Variants in GRIK2 observed in about 807,000 individuals in gnomAD.
The protein encoded by GRIK2 is glutamate ionotropic receptor kainate type subunit 2.
GRIK2 carries 32 observed loss-of-function variants against 100.3 expected under a neutral mutation model. That is an observed-to-expected ratio of 0.32 (90% CI 0.24 to 0.43). The LOEUF is 0.43. GRIK2 is among the 20% of genes least tolerant of loss of function. GRIK2 has a pLI of 1.00. For missense variants in GRIK2, 843 were observed against 1,114.9 expected (o/e 0.76, Z 3.47); for synonymous variants, 417 against 389.4 (o/e 1.07, Z -0.83).
chr6:101,935,043 G>T (rs1395833552), intron 14 of GRIK2, among the ~76,000 whole-genome samples: 2 of 151,974 alleles, frequency 1.3e-5, no homozygotes, highest in Admixed American at 6.6e-5. Flanking sequence ...GTTAAGTGTA[G>T]TTGTCTGTAG....
intron 2 of GRIK2, among the ~76,000 whole-genome samples, chr6:101,413,916 A>C (rs201303169): frequency 2.0e-5 from 3 of 152,010 alleles, no homozygotes; most frequent in African/African-American, 7.2e-5. Context: ...ACCAGTCATA[A>C]AATTTGCCAT....
rs139986676 is a variant in GRIK2, at chr6:101,634,412, G to T, written c.541+7775G>T. Among the ~76,000 whole-genome samples, 574 of 152,184 alleles carry T rather than the reference G, an allele frequency of 3.8e-3. 4 individuals carry two copies. Among genetic ancestry groups the T allele is most frequent in the African/African-American group, 0.013 (541 of 41,532 alleles). ...AGACGGTGTCTGCTTCTTAACATAT[G>T]AAGTTTGAAACATCTATGAAATATT... On this transcript the variant is annotated intron_variant, in intron 4 of 16. Coordinates refer to ENST00000369134, the MANE Select transcript of GRIK2 (RefSeq NM_021956.5).
At chr6:102,003,241 A>G (rs1430737277) in intron 14 of GRIK2, among the ~76,000 whole-genome samples, 1 of 151,596 alleles carries the variant, frequency 6.6e-6, no homozygotes, top group Non-Finnish European at 1.5e-5. Flanking sequence ...ATTCATATAT[A>G]TGTATATTTA....
chr6:101,640,745 TC>T (rs1401292846), intron 4 of GRIK2, among the ~76,000 whole-genome samples: 3 of 152,148 alleles, frequency 2.0e-5, no homozygotes, highest in Non-Finnish European at 4.4e-5. Flanking sequence ...CCTAATAATT[TC>T]TTTTTCTAAT....
chr6:101,781,044 T>C (rs779447735), intron 7 of GRIK2, among the ~76,000 whole-genome samples: 2 of 152,246 alleles, frequency 1.3e-5, no homozygotes, highest in Non-Finnish European at 2.9e-5. Flanking sequence ...TAGAATTATA[T>C]GATTCTATAA....
At chr6:102,053,281 A>G (rs1435847042) in intron 15 of GRIK2, among the ~76,000 whole-genome samples, 1 of 152,162 alleles carries the variant, frequency 6.6e-6, no homozygotes, top group East Asian at 1.9e-4. Context: ...CCATTAAGTA[A>G]GCATTTATTT....
chr6:101,687,537 T>C (rs908517593), intron 7 of GRIK2, among the ~76,000 whole-genome samples: 2 of 152,016 alleles, frequency 1.3e-5, no homozygotes, highest in African/African-American at 4.8e-5. Flanking sequence ...TTTTTGATAC[T>C]GTAGGGATAA....
intron 12 of GRIK2, among the ~76,000 whole-genome samples, chr6:101,898,193 T>C (rs1345195425): frequency 6.6e-6 from 1 of 151,898 alleles, no homozygotes; most frequent in African/African-American, 2.4e-5. Context: ...ATTAGAGATG[T>C]TTTCTTTTTG....
intron 7 of GRIK2, among the ~76,000 whole-genome samples, chr6:101,751,134 C>CAT (rs1776760596): frequency 2.0e-5 from 3 of 151,560 alleles, no homozygotes; most frequent in Admixed American, 6.6e-5. Context: ...GATGGGGGTC[C>CAT]CACTATGTTA....
At chr6:101,408,425 G>A (rs1490741048) in intron 2 of GRIK2, among the ~76,000 whole-genome samples, 1 of 151,782 alleles carries the variant, frequency 6.6e-6, no homozygotes, top group Non-Finnish European at 1.5e-5. Flanking sequence ...TTTATTATAA[G>A]TAATTGGCTT....
intron 7 of GRIK2, among the ~76,000 whole-genome samples, chr6:101,717,394 G>T (rs556747451): frequency 1.3e-5 from 2 of 151,758 alleles, no homozygotes; most frequent in African/African-American, 4.8e-5. Context: ...CGGTGTTAAC[G>T]CTGACAATAT....
At chr6:101,543,041 G>A (rs868852062) in intron 2 of GRIK2, among the ~76,000 whole-genome samples, 18 of 152,090 alleles carry the variant, frequency 1.2e-4, no homozygotes, top group African/African-American at 4.3e-4. Flanking sequence ...TCTTTCCTGT[G>A]TGTGCTTTTG....
intron 5 of GRIK2, among the ~76,000 whole-genome samples, chr6:101,677,414 A>T (rs976565966): frequency 9.9e-5 from 15 of 152,160 alleles, no homozygotes; most frequent in Non-Finnish European, 4.4e-5. Flanking sequence ...ACAAAAACCA[A>T]CCAACCAACC....
chr6:101,997,865 A>G (rs1794731729), intron 14 of GRIK2, among the ~76,000 whole-genome samples: 2 of 152,022 alleles, frequency 1.3e-5, no homozygotes, highest in African/African-American at 4.8e-5. Flanking sequence ...ATGGAAGTTT[A>G]TTATGATATG....
At chr6:101,876,881 C>A (rs1785888009) in intron 11 of GRIK2, among the ~76,000 whole-genome samples, 1 of 151,850 alleles carries the variant, frequency 6.6e-6, no homozygotes, top group African/African-American at 2.4e-5. Context: ...CAGTATGTTA[C>A]TTCTAGGTAT....
At chr6:101,565,861 T>C (rs1283676981) in intron 2 of GRIK2, among the ~76,000 whole-genome samples, 4 of 149,316 alleles carry the variant, frequency 2.7e-5, no homozygotes, top group African/African-American at 9.8e-5. Context: ...ACATATTTTG[T>C]GTATTATATG....
chr6:101,915,534 A>G (rs993086855), intron 12 of GRIK2, among the ~76,000 whole-genome samples: 34 of 140,838 alleles, frequency 2.4e-4, no homozygotes, highest in African/African-American at 8.4e-4. Flanking sequence ...TTTACTATGG[A>G]ATAAAACAGT....
chr6:101,686,118 G>C (rs2852565), intron 6 of GRIK2, 62 bp from the exon 7 acceptor site: 5 of 1,374,548 alleles, frequency 3.6e-6, no homozygotes, highest in Non-Finnish European at 5.0e-6. Flanking sequence ...GACTATTTCA[G>C]TAATACATGC....
intron 16 of GRIK2, among the ~76,000 whole-genome samples, chr6:102,058,605 T>C (rs979505075): frequency 1.3e-5 from 2 of 151,622 alleles, no homozygotes; most frequent in Non-Finnish European, 1.5e-5. Context: ...TATGGCTGTT[T>C]AACACATTAC....
Sources: gnomAD v4.1 joint callset for allele counts (sites outside exome capture counted in the v4.1 genomes callset) on GRCh38, gnomAD v4.1.1 for gene constraint, MANE v1.5 for transcripts, NCBI Gene and HGNC (gene_info 2026-07-23, HGNC 2026-07-21) for gene names.